ZNF181: variants seen among roughly 807,000 people sequenced by gnomAD.
ZNF181 encodes the protein zinc finger protein 181, also known as zinc finger protein 181 (HHZ181).
In ZNF181, 8 loss-of-function variants were observed where a neutral mutation model predicts 11.9. That is an observed-to-expected ratio of 0.67 (90% CI 0.39 to 1.21). ZNF181 has a LOEUF of 1.21. Among genes scored for constraint, ZNF181 ranks in the 50% most tolerant of loss-of-function variants. The pLI is 0.01. For missense variants in ZNF181, 542 were observed against 670.9 expected (o/e 0.81, Z 2.12); for synonymous variants, 202 against 221.1 (o/e 0.91, Z 0.77).
Position 34,741,215 on chromosome 19 carries a change from A to T in ZNF181, c.834A>T (p.Ser278=), listed in dbSNP as rs768611730. 1.9e-6 allele frequency: 3 copies of T among 1,614,064 alleles called. No homozygotes were observed. The highest frequency in any genetic ancestry group is 2.5e-6 in the Non-Finnish European group (3 of 1,179,944). ...GTGGGAAGACTTTTAGCCATGGCTCATCCCTTACACGACATCTGATAAGCC... is the reference window on the plus strand; with the variant it reads ...GTGGGAAGACTTTTAGCCATGGCTCTTCCCTTACACGACATCTGATAAGCC... ...RECGKTFSHG[S]SLTRHLISHS... is the part of the protein sequence containing the mutation. The change falls in exon 4 of 4, where the codon TCA becomes TCT. Residue 278 remains serine, a synonymous_variant. Coordinates refer to ENST00000492450, the MANE Select transcript of ZNF181 (RefSeq NM_001029997.4).
At position 34,735,808 on chromosome 19, in the gene ZNF181, C is replaced by T. The variant is rs2068879132; in HGVS notation, c.9+762C>T. Among the ~76,000 whole-genome samples, 3 of 152,204 alleles carry T rather than the reference C, an allele frequency of 2.0e-5. 1 individual carries two copies. In the South Asian group the frequency reaches 6.2e-4, roughly 32 times the overall value. On this transcript the variant is annotated intron_variant, in intron 1 of 3. Coordinates refer to ENST00000492450, the MANE Select transcript of ZNF181 (RefSeq NM_001029997.4). ...TGCTGTGCCATCGACGTGGAATATT[C>T]TTCCCCCACATACGCACAAACTTGC...
At position 34,741,016 on chromosome 19, in the gene ZNF181, C is replaced by T. The variant is rs573943316; in HGVS notation, c.635C>T (p.Ser212Phe). Reference sequence around the variant, plus strand: ...AATGGTGGAAAGAAACTTTTGAATTCTAATAAAAGTGGGGCAGCCTTCAGC... The same window carrying T: ...AATGGTGGAAAGAAACTTTTGAATTTTAATAAAAGTGGGGCAGCCTTCAGC... ...KVNGGKKLLNSNKSGAAFSQG... is the reference protein window; with the variant it reads ...KVNGGKKLLNFNKSGAAFSQG... Residue 212 changes from serine (S) to phenylalanine (F), a missense_variant, in exon 4 of 4, where the codon TCT (serine) becomes TTT (phenylalanine). Coordinates refer to ENST00000492450, the MANE Select transcript of ZNF181 (RefSeq NM_001029997.4). The T allele has an allele frequency of 6.2e-6, 10 of 1,614,104 alleles. No individual in the cohort carries two copies. Among genetic ancestry groups the T allele is most frequent in the Middle Eastern group, 1.6e-4 (1 of 6,062 alleles).
In ZNF181 at chr19:34,734,321, G is replaced by C. The variant is rs1332787575; in HGVS notation, c.-717G>C. 3 of 152,356 alleles carry C rather than the reference G, an allele frequency of 2.0e-5. No homozygotes were observed. The highest frequency in any genetic ancestry group is 7.2e-5 in the African/African-American group (3 of 41,472). 9.4% of individuals were successfully genotyped at this position (152,356 alleles called of 1,614,324 possible). A position where few individuals can be genotyped will look rare whatever the true frequency, so the allele number is the denominator to read the frequency against. Reference sequence around the variant, plus strand: ...GTGTCGTCCCCAGAGGTCGGCGGCCGTTGCCCGCTCACCAGCGACGCGGGG... The same window carrying C: ...GTGTCGTCCCCAGAGGTCGGCGGCCCTTGCCCGCTCACCAGCGACGCGGGG... On this transcript the variant is annotated 5_prime_UTR_variant, in exon 1 of 4. Coordinates refer to ENST00000492450, the MANE Select transcript of ZNF181 (RefSeq NM_001029997.4).
chr19:34,740,529 T>G (rs1194289849), intron 3 of ZNF181, 82 bp from the exon 4 acceptor site: 1 of 1,365,862 alleles, frequency 7.3e-7, no homozygotes, highest in African/African-American at 1.5e-5. Flanking sequence ...CTAATCCAGT[T>G]CTCCTAATTC....
intron 2 of ZNF181, 97 bp downstream of exon 2, chr19:34,739,365 A>G: frequency 6.3e-7 from 1 of 1,580,496 alleles, no homozygotes; most frequent in Non-Finnish European, 8.6e-7. Flanking sequence ...GAATTTCTGT[A>G]GCATGTTCCC....
rs2068991420 is a variant in ZNF181 at position 34,742,198 on chromosome 19, C to A, written c.*101C>A. 2.4e-6 allele frequency: 3 copies of A among 1,245,818 alleles called. No individual in the cohort carries two copies. The highest frequency in any genetic ancestry group is 2.4e-5 in the Admixed American group (1 of 41,780). The allele number at this position is 1,245,818 out of a possible 1,614,324, so 77.2% of individuals were successfully genotyped here. A position where few individuals can be genotyped will look rare whatever the true frequency, so the allele number is the denominator to read the frequency against. ...TATGAATGTGGTGAATATAGGAAGA[C>A]CTTTTAGCAAAGATGCAGGCCAGTT... On this transcript the variant is annotated 3_prime_UTR_variant, in exon 4 of 4. Transcript: ENST00000492450.
rs2068862755 is a variant in ZNF181, at chr19:34,734,774, A to G, written c.-264A>G. 5 of 506,608 alleles carry G rather than the reference A, an allele frequency of 9.9e-6. No homozygotes were observed. Among genetic ancestry groups the G allele is most frequent in the Admixed American group, 3.6e-5 (1 of 27,954 alleles). 31.4% of individuals were successfully genotyped at this position (506,608 alleles called of 1,614,324 possible). Reference sequence around the variant, plus strand: ...TGTTTTATGAGGATTTTATTTACAGAGTAATTGATTTTCCTCGCAGGTGGC... The same window carrying G: ...TGTTTTATGAGGATTTTATTTACAGGGTAATTGATTTTCCTCGCAGGTGGC... On this transcript the variant is annotated 5_prime_UTR_variant, in exon 1 of 4. Coordinates refer to ENST00000492450, the MANE Select transcript of ZNF181 (RefSeq NM_001029997.4).
chr19:34,734,957 T>G lies in ZNF181; in HGVS notation c.-81T>G, dbSNP rs575914249. ...TTTCATGACTGCTTTTTCCTGCCCT[T>G]CTGTGCCCTCAGGACACTGCCCATC... is the stretch of plus-strand genomic sequence containing the variant. On this transcript the variant is annotated 5_prime_UTR_variant, in exon 1 of 4. Coordinates refer to ENST00000492450, the MANE Select transcript of ZNF181 (RefSeq NM_001029997.4). 4 of 1,469,150 alleles carry G rather than the reference T, an allele frequency of 2.7e-6. No homozygotes were observed. The South Asian group carries it at 5.0e-5, about 18-fold the overall frequency. The allele number at this position is 1,469,150 out of a possible 1,614,324, so 91.0% of individuals were successfully genotyped here.
At position 34,740,716 on chromosome 19, in the gene ZNF181, A is replaced by G. The variant is rs1251141405; in HGVS notation, c.335A>G (p.Tyr112Cys). 6.2e-7 allele frequency: 1 copy of G among 1,613,354 alleles called. No individual in the cohort carries two copies. Among genetic ancestry groups the G allele is most frequent in the African/African-American group, 1.3e-5 (1 of 74,902 alleles). The change falls in exon 4 of 4, where the codon TAT (tyrosine) becomes TGT (cysteine). Residue 112 changes from tyrosine (Y) to cysteine (C), a missense_variant. By Grantham distance (194) the Tyr-to-Cys change is radical (BLOSUM62 -2). Coordinates refer to ENST00000492450, the MANE Select transcript of ZNF181 (RefSeq NM_001029997.4). ...VIIEKVVKQS[Y>C]EFSNSKKNLE... ...ATAGAAAAAGTTGTAAAACAAAGTTATGAATTTTCAAATTCTAAGAAGAAT... is the reference window on the plus strand; with the variant it reads ...ATAGAAAAAGTTGTAAAACAAAGTTGTGAATTTTCAAATTCTAAGAAGAAT...
chr19:34,738,671 G>T (rs1359088662), intron 1 of ZNF181, among the ~76,000 whole-genome samples: 2 of 151,938 alleles, frequency 1.3e-5, no homozygotes, highest in African/African-American at 2.4e-5. Context: ...GGGATTACAG[G>T]TGTGAGCCAC....
rs1374934863 is a variant in ZNF181, at chr19:34,741,907, G to T, written c.1526G>T (p.Arg509Ile). The T allele has an allele frequency of 5.6e-6, 9 of 1,613,706 alleles. No homozygotes were observed. Among genetic ancestry groups the T allele is most frequent in the African/African-American group, 4.0e-5 (3 of 74,912 alleles). ...AGTTCAAACCTTACCGTACATCAGA[G>T]AATTCACACTGGAGAAAAGCCATAT... Reference protein sequence around the residue: ...SCSSNLTVHQRIHTGEKPYKC... With the variant: ...SCSSNLTVHQIIHTGEKPYKC... The change falls in exon 4 of 4, where the codon AGA (arginine) becomes ATA (isoleucine). Residue 509 changes from arginine to isoleucine, a missense_variant. Arg to Ile is a moderately conservative substitution (Grantham distance 97). Coordinates refer to ENST00000492450, the MANE Select transcript of ZNF181 (RefSeq NM_001029997.4).
rs1300937281 is a variant in ZNF181, at chr19:34,740,495, ATG to A, written c.230-112_230-111del. Reference sequence around the variant, plus strand: ...TTGAAATATTTCAGTTGTCAGAACTATGTGTTTTCTGGGGGCTTCATTTCTAA... The same window carrying A: ...TTGAAATATTTCAGTTGTCAGAACTATGTTTTCTGGGGGCTTCATTTCTAA... On this transcript the variant is annotated intron_variant, in intron 3 of 3. Coordinates refer to ENST00000492450, the MANE Select transcript of ZNF181 (RefSeq NM_001029997.4). 17 of 999,720 alleles carry A rather than the reference ATG, an allele frequency of 1.7e-5. 1 individual carries two copies. The highest frequency in any genetic ancestry group is 2.4e-5 in the Non-Finnish European group (16 of 670,812). 61.9% of individuals were successfully genotyped at this position (999,720 alleles called of 1,614,324 possible).
rs2068854857 is a variant in ZNF181, at chr19:34,734,283, A to G, written c.-755A>G. ...CTGACGGCGACTCCCAGGCTCCGGG[A>G]CGATTCTGGGCAGTGTCGTCCCCAG... On this transcript the variant is annotated 5_prime_UTR_variant, in exon 1 of 4. Coordinates refer to ENST00000492450, the MANE Select transcript of ZNF181 (RefSeq NM_001029997.4). 2.6e-5 allele frequency: 4 copies of G among 152,182 alleles called. No homozygotes were observed. Among genetic ancestry groups the G allele is most frequent in the Admixed American group, 2.6e-4 (4 of 15,276 alleles). 9.4% of individuals were successfully genotyped at this position (152,182 alleles called of 1,614,324 possible). A position where few individuals can be genotyped will look rare whatever the true frequency, so the allele number is the denominator to read the frequency against.
In ZNF181 at chr19:34,739,579, C is replaced by T. The variant is rs1294231264; in HGVS notation, c.187C>T (p.Pro63Ser). 2 of 1,613,868 alleles carry T rather than the reference C, an allele frequency of 1.2e-6. No individual in the cohort carries two copies. The highest frequency in any genetic ancestry group is 2.2e-5 in the East Asian group (1 of 44,896). Residue 63 changes from proline to serine, a missense_variant, in exon 3 of 4, where the codon CCC (proline) becomes TCC (serine). By Grantham distance (74) the Pro-to-Ser change is moderately conservative. Transcript: ENST00000492450. Reference sequence around the variant, plus strand: ...CACGTTATTGGAGGATGGAAAAGAGCCCTGGATGATGGAGAAAAAACTGTC... The same window carrying T: ...CACGTTATTGGAGGATGGAAAAGAGTCCTGGATGATGGAGAAAAAACTGTC... ...VITLLEDGKE[P>S]WMMEKKLSKG... is the part of the protein sequence containing the mutation.
chr19:34,738,502 C>T (rs1384925105), intron 1 of ZNF181, among the ~76,000 whole-genome samples: 1 of 151,968 alleles, frequency 6.6e-6, no homozygotes, highest in Non-Finnish European at 1.5e-5. Flanking sequence ...CAAACCATAA[C>T]AGTGTATGTC....
chr19:34,745,263 GGGTTTA>G lies in ZNF181; in HGVS notation c.*3167_*3172del, dbSNP rs2069022595. On this transcript the variant is annotated 3_prime_UTR_variant, in exon 4 of 4. Coordinates refer to ENST00000492450, the MANE Select transcript of ZNF181 (RefSeq NM_001029997.4). Reference sequence around the variant, plus strand: ...ATTAAACTTTGGAGTCATGTTACCTGGGTTTAAATCCAAGTTGCATGAATACTGGCT... The same window carrying G: ...ATTAAACTTTGGAGTCATGTTACCTGAATCCAAGTTGCATGAATACTGGCT... 6.6e-6 allele frequency: 1 copy of G among 152,144 alleles called. No individual in the cohort carries two copies. Among genetic ancestry groups the G allele is most frequent in the Non-Finnish European group, 1.5e-5 (1 of 68,042 alleles). 9.4% of individuals were successfully genotyped at this position (152,144 alleles called of 1,614,324 possible). A position where few individuals can be genotyped will look rare whatever the true frequency, so the allele number is the denominator to read the frequency against.
intron 1 of ZNF181, among the ~76,000 whole-genome samples, chr19:34,738,555 T>G (rs1024283201): frequency 8.6e-5 from 13 of 151,934 alleles, no homozygotes; most frequent in African/African-American, 2.9e-4. Context: ...TTTTTGTTTT[T>G]TTTTTTGAGA....
chr19:34,742,183 G>T lies in ZNF181; in HGVS notation c.*86G>T, dbSNP rs1168059985. ...TACTGGGGAAAGTCTTATGAATGTG[G>T]TGAATATAGGAAGACCTTTTAGCAA... On this transcript the variant is annotated 3_prime_UTR_variant, in exon 4 of 4. Transcript: ENST00000492450. The T allele has an allele frequency of 2.2e-6, 3 of 1,367,824 alleles. No homozygotes were observed. Among genetic ancestry groups the T allele is most frequent in the Non-Finnish European group, 2.0e-6 (2 of 1,010,656 alleles). 84.7% of individuals were successfully genotyped at this position (1,367,824 alleles called of 1,614,324 possible). A position where few individuals can be genotyped will look rare whatever the true frequency, so the allele number is the denominator to read the frequency against.
In ZNF181 at chr19:34,745,102, T is replaced by C. The variant is rs1194721165; in HGVS notation, c.*3005T>C. On this transcript the variant is annotated 3_prime_UTR_variant, in exon 4 of 4. Coordinates refer to ENST00000492450, the MANE Select transcript of ZNF181 (RefSeq NM_001029997.4). ...GAAGGTTGGGCTGATGTCATAATGA[T>C]GTTATGATGTCACTGACATCATATT... 3 of 152,240 alleles carry C rather than the reference T, an allele frequency of 2.0e-5. No individual in the cohort carries two copies. Among genetic ancestry groups the C allele is most frequent in the Non-Finnish European group, 4.4e-5 (3 of 68,036 alleles). The allele number at this position is 152,240 out of a possible 1,614,324, so 9.4% of individuals were successfully genotyped here. A position where few individuals can be genotyped will look rare whatever the true frequency, so the allele number is the denominator to read the frequency against.
Sources: gnomAD v4.1 joint callset for allele counts (sites outside exome capture counted in the v4.1 genomes callset) on GRCh38, gnomAD v4.1.1 for gene constraint, MANE v1.5 for transcripts, NCBI Gene and HGNC (gene_info 2026-07-23, HGNC 2026-07-21) for gene names.